MAF: variants seen among roughly 807,000 people sequenced by gnomAD.
MAF encodes MAF bZIP transcription factor.
In MAF, 10 loss-of-function variants were observed where a neutral mutation model predicts 22.0. That is an observed-to-expected ratio of 0.45 (90% CI 0.28 to 0.77). The LOEUF is 0.77. Ranked by LOEUF, MAF falls within the 30% of genes least tolerant of loss-of-function variation. MAF has a pLI of 0.12. For synonymous variants in MAF, 337 were observed against 255.8 expected (o/e 1.32, Z -3.03); for missense variants, 544 against 548.4 (o/e 0.99, Z 0.08).
At chr16:79,258,201 G>A in the MAF span, among the ~76,000 whole-genome samples, 1 of 152,172 alleles carries the variant, frequency 6.6e-6, no homozygotes, top group South Asian at 2.1e-4. Flanking sequence ...GTTATTTGCT[G>A]TTGTTAATAT....
At chr16:79,218,922 C>T in the MAF span, among the ~76,000 whole-genome samples, 2 of 152,178 alleles carry the variant, frequency 1.3e-5, no homozygotes, top group Admixed American at 6.5e-5. Context: ...AAACTCACAC[C>T]CCAAGCCTCT....
At chr16:79,380,661 C>T in the MAF span, among the ~76,000 whole-genome samples, 20 of 152,274 alleles carry the variant, frequency 1.3e-4, no homozygotes, top group Admixed American at 1.1e-3. Flanking sequence ...CCCTCTCTGA[C>T]GATGATCAGT....
At chr16:79,342,744 CTG>C in the MAF span, among the ~76,000 whole-genome samples, 2 of 152,126 alleles carry the variant, frequency 1.3e-5, no homozygotes, top group African/African-American at 4.8e-5. Context: ...TACTAGAATT[CTG>C]TGAGGTGGGT....
At chr16:79,340,062 G>A in the MAF span, among the ~76,000 whole-genome samples, 17 of 152,188 alleles carry the variant, frequency 1.1e-4, no homozygotes, top group Admixed American at 5.9e-4. Flanking sequence ...TGTCACTAAA[G>A]TGCCTGTTCA....
rs879419644 is a variant in MAF, at chr16:79,587,872, G to GT, written c.1119-1932_1119-1931insA. Among the ~76,000 whole-genome samples, 214 of 131,006 alleles carry GT rather than the reference G, an allele frequency of 1.6e-3. 1 individual carries two copies. The highest frequency in any genetic ancestry group is 2.3e-3 in the Non-Finnish European group (151 of 64,578). 85.9% of individuals were successfully genotyped at this position (131,006 alleles called of 152,430 possible). ...TATCAAAGCATTTACTTTCAAAAGG[G>GT]GGGGGGGGGTAGATACTATTTGCAC... is the stretch of plus-strand genomic sequence containing the variant. On this transcript the variant is annotated intron_variant, in intron 1 of 1. Transcript: ENST00000569649.
the MAF span, among the ~76,000 whole-genome samples, chr16:79,347,705 G>T: frequency 6.6e-6 from 1 of 152,136 alleles, no homozygotes; most frequent in Non-Finnish European, 1.5e-5. Context: ...AGGTCCAGAG[G>T]GGTTGAACTG....
the MAF span, among the ~76,000 whole-genome samples, chr16:79,371,313 G>T: frequency 2.0e-5 from 3 of 152,048 alleles, no homozygotes; most frequent in African/African-American, 7.2e-5. Flanking sequence ...ATTAGAAATT[G>T]GCATAGCATC....
chr16:79,298,746 A>G, the MAF span, among the ~76,000 whole-genome samples: 2 of 152,242 alleles, frequency 1.3e-5, no homozygotes, highest in African/African-American at 4.8e-5. Context: ...ACTTGGGTGA[A>G]GCCAGGGCAG....
chr16:79,474,450 C>T, the MAF span, among the ~76,000 whole-genome samples: 1 of 152,134 alleles, frequency 6.6e-6, no homozygotes, highest in African/African-American at 2.4e-5. Flanking sequence ...GACAAGCCAG[C>T]AAGGGTGGAT....
At chr16:79,463,750 A>G in the MAF span, among the ~76,000 whole-genome samples, 2 of 152,112 alleles carry the variant, frequency 1.3e-5, no homozygotes, top group African/African-American at 4.8e-5. Flanking sequence ...TCTCTTAAAA[A>G]TTTGTTTATA....
chr16:79,260,033 C>A, the MAF span, among the ~76,000 whole-genome samples: 1 of 152,194 alleles, frequency 6.6e-6, no homozygotes, highest in African/African-American at 2.4e-5. Context: ...AGAGAGTGGG[C>A]AGCTGGCTGG....
the MAF span, among the ~76,000 whole-genome samples, chr16:79,303,024 C>A: frequency 6.6e-6 from 1 of 152,142 alleles, no homozygotes. Flanking sequence ...CCATATGCAC[C>A]CAAACATGCT....
At chr16:79,245,662 A>T in the MAF span, among the ~76,000 whole-genome samples, 6 of 152,030 alleles carry the variant, frequency 3.9e-5, no homozygotes, top group African/African-American at 1.4e-4. Context: ...TTCCTCAAGG[A>T]CCTAGAACTA....
At chr16:79,422,504 T>TA in the MAF span, among the ~76,000 whole-genome samples, 4 of 152,174 alleles carry the variant, frequency 2.6e-5, no homozygotes, top group Non-Finnish European at 5.9e-5. Context: ...GAGCCAGTCA[T>TA]AGAGATTCAA....
chr16:79,547,928 G>GAGAGAGAT, the MAF span, among the ~76,000 whole-genome samples: 2 of 151,888 alleles, frequency 1.3e-5, no homozygotes, highest in Non-Finnish European at 2.9e-5. Context: ...GATAGAGAGA[G>GAGAGAGAT]AGAGAGAGAG....
At chr16:79,263,707 A>C in the MAF span, among the ~76,000 whole-genome samples, 1 of 150,354 alleles carries the variant, frequency 6.7e-6, no homozygotes, top group Non-Finnish European at 1.5e-5. Flanking sequence ...TTGTCTCCTC[A>C]ACCTTACTTT....
chr16:79,228,976 T>C, the MAF span, among the ~76,000 whole-genome samples: 2 of 151,894 alleles, frequency 1.3e-5, no homozygotes, highest in East Asian at 1.9e-4. Context: ...TGGGCTTTCA[T>C]CGTTAACACA....
At chr16:79,438,902 G>C in the MAF span, among the ~76,000 whole-genome samples, 3 of 152,296 alleles carry the variant, frequency 2.0e-5, no homozygotes, top group Non-Finnish European at 4.4e-5. Context: ...GGACCGTCCA[G>C]GGAGGTAGGT....
the MAF span, among the ~76,000 whole-genome samples, chr16:79,292,868 T>C: frequency 6.6e-6 from 1 of 152,088 alleles, no homozygotes; most frequent in Non-Finnish European, 1.5e-5. Context: ...GACACTCCCA[T>C]CAGCACCATG....
Sources: allele counts gnomAD v4.1 joint callset (sites outside exome capture counted in the v4.1 genomes callset), GRCh38; gene constraint gnomAD v4.1.1; transcripts MANE v1.5; gene names NCBI Gene and HGNC (gene_info 2026-07-23, HGNC 2026-07-21).